The following PRKG2 variants were observed in gnomAD, a reference collection of about 807,000 sequenced individuals.
PRKG2 encodes protein kinase cGMP-dependent 2, also known as cGMP-dependent protein kinase 2.
Under a neutral mutation model 97.2 loss-of-function variants are expected in PRKG2, and 33 were observed. That is an observed-to-expected ratio of 0.34 (90% CI 0.26 to 0.45). PRKG2 has a LOEUF of 0.45. Ranked by LOEUF, PRKG2 falls within the 20% of genes least tolerant of loss-of-function variation. The pLI is 1.00. For missense variants in PRKG2, 638 were observed against 900.0 expected, an observed-to-expected ratio of 0.71 and a Z score of 3.73; for synonymous variants, 330 against 321.8, an observed-to-expected ratio of 1.03 and a Z score of -0.27.
intron 13 of PRKG2, among the ~76,000 whole-genome samples, chr4:81,137,101 A>T (rs1489739027): frequency 6.6e-6 from 1 of 151,868 alleles, no homozygotes; most frequent in Non-Finnish European, 1.5e-5. Context: ...TGGAATCAGA[A>T]ACACCTGGGT....
At chr4:81,155,028 A>T (rs1367667896) in intron 6 of PRKG2, among the ~76,000 whole-genome samples, 2 of 151,540 alleles carry the variant, frequency 1.3e-5, no homozygotes, top group Non-Finnish European at 2.9e-5. Flanking sequence ...CAAAAAAAAA[A>T]TTAGCCGGGC....
intron 2 of PRKG2, among the ~76,000 whole-genome samples, chr4:81,189,994 C>T (rs1752337611): frequency 6.6e-6 from 1 of 152,086 alleles, no homozygotes. Flanking sequence ...TGAAAATGGC[C>T]ATACTGCCCA....
chr4:81,171,448 G>A lies in PRKG2; in HGVS notation c.742+243C>T, dbSNP rs141519068. On this transcript the variant is annotated intron_variant, in intron 4 of 18. Transcript: ENST00000264399. ...TTTGGATTGATTCCATGTCTTTACC[G>A]TTGTGAATAGTTAAAAGCCATTTTA... 2.0e-3 allele frequency among the ~76,000 whole-genome samples: 306 copies of A among 152,042 alleles called. 1 individual carries two copies. Among genetic ancestry groups the A allele is most frequent in the African/African-American group, 5.4e-3 (226 of 41,474 alleles).
At chr4:81,134,612 G>A (rs1746491315) in intron 14 of PRKG2, among the ~76,000 whole-genome samples, 1 of 152,074 alleles carries the variant, frequency 6.6e-6, no homozygotes, top group African/African-American at 2.4e-5. Context: ...TCATATTAGG[G>A]ACCAGCAGAT....
intron 14 of PRKG2, among the ~76,000 whole-genome samples, chr4:81,131,530 C>T (rs928800920): frequency 2.0e-5 from 3 of 152,024 alleles, no homozygotes; most frequent in East Asian, 1.9e-4. Context: ...AGATACAAGC[C>T]TTTTGTAATG....
intron 6 of PRKG2, among the ~76,000 whole-genome samples, chr4:81,162,708 T>G (rs1368376301): frequency 6.6e-6 from 1 of 152,204 alleles, no homozygotes; most frequent in East Asian, 1.9e-4. Context: ...AGTGTGATTT[T>G]GCAGTGGAGA....
chr4:81,215,596 C>T (rs1386507855), upstream of PRKG2, among the ~76,000 whole-genome samples: 1 of 151,960 alleles, frequency 6.6e-6, no homozygotes, highest in African/African-American at 2.4e-5. Context: ...CTCCACTTCG[C>T]CTTCCCTCCC....
chr4:81,190,385 C>T (rs780914619), intron 2 of PRKG2, among the ~76,000 whole-genome samples: 1 of 152,074 alleles, frequency 6.6e-6, no homozygotes, highest in African/African-American at 2.4e-5. Context: ...AACTGGCTAG[C>T]CATATGCAGA....
intron 17 of PRKG2, among the ~76,000 whole-genome samples, chr4:81,100,160 T>C (rs1449977836): frequency 2.0e-5 from 3 of 151,678 alleles, no homozygotes; most frequent in East Asian, 1.9e-4. Context: ...ATAGATTCAA[T>C]GCCATCTCCA....
rs1180392467 is a variant in PRKG2, at chr4:81,164,290, CAG to C, written c.912+2869_912+2870del. ...AATTCATTGACAGCTGGTAGAGTGA[CAG>C]AGGCAGAACCACAAGCCCTAATCTC... On this transcript the variant is annotated intron_variant, in intron 6 of 18. Transcript: ENST00000264399. Among the ~76,000 whole-genome samples, 4 of 152,230 alleles carry C rather than the reference CAG, an allele frequency of 2.6e-5. No individual in the cohort carries two copies. In the East Asian group the frequency reaches 5.8e-4, roughly 22 times the overall value.
chr4:81,171,610 T>TC lies in PRKG2; in HGVS notation c.742+80dup, dbSNP rs1442942774. 5 of 1,024,276 alleles carry TC rather than the reference T, an allele frequency of 4.9e-6. No homozygotes were observed. The East Asian group carries it at 1.3e-4, about 26-fold the overall frequency. The allele number at this position is 1,024,276 out of a possible 1,614,324, so 63.4% of individuals were successfully genotyped here. The stretch of plus-strand genomic sequence containing the variant: ...GGTAAAATGGGAAACAGACTGTGGA[T>TC]CAGGGTGCAAATGTGACTGGACTAG... On this transcript the variant is annotated intron_variant, in intron 4 of 18. Coordinates refer to ENST00000264399, the MANE Select transcript of PRKG2 (RefSeq NM_006259.3).
At chr4:81,173,200 T>G (rs913725599) in intron 3 of PRKG2, among the ~76,000 whole-genome samples, 2 of 152,182 alleles carry the variant, frequency 1.3e-5, no homozygotes, top group Non-Finnish European at 2.9e-5. Context: ...ATTATCAAAT[T>G]AATTTGCTCA....
rs541498493 is a variant in PRKG2, at chr4:81,119,297, A to G, written c.1777-8686T>C. Among the ~76,000 whole-genome samples, 4 of 152,312 alleles carry G rather than the reference A, an allele frequency of 2.6e-5. No individual in the cohort carries two copies. In the South Asian group the frequency reaches 8.3e-4, roughly 32 times the overall value. ...TTGAGTTAATTTTCATGAAGGGTAC[A>G]TGGTCTGTATCTAGATTTACTTTTT... On this transcript the variant is annotated intron_variant, in intron 14 of 18. Transcript: ENST00000264399.
At chr4:81,155,016 T>C (rs1364833490) in intron 6 of PRKG2, among the ~76,000 whole-genome samples, 2 of 149,654 alleles carry the variant, frequency 1.3e-5, no homozygotes, top group African/African-American at 5.0e-5. Context: ...CTACTAAAAA[T>C]ACAAAAAAAA....
chr4:81,118,548 T>C (rs1057233484), intron 14 of PRKG2, among the ~76,000 whole-genome samples: 1 of 152,208 alleles, frequency 6.6e-6, no homozygotes, highest in South Asian at 2.1e-4. Context: ...GAAAGACTCA[T>C]GATTTTGAAC....
intron 14 of PRKG2, among the ~76,000 whole-genome samples, chr4:81,113,766 T>C (rs1372164140): frequency 6.6e-6 from 1 of 152,168 alleles, no homozygotes; most frequent in East Asian, 1.9e-4. Flanking sequence ...AAAATATTTA[T>C]GTGGCATTTT....
At chr4:81,147,153 A>C (rs953944036) in intron 9 of PRKG2, among the ~76,000 whole-genome samples, 1 of 152,198 alleles carries the variant, frequency 6.6e-6, no homozygotes, top group African/African-American at 2.4e-5. Flanking sequence ...AAGCCATATA[A>C]AATTATTGCA....
chr4:81,163,875 C>T (rs543533081), intron 6 of PRKG2, among the ~76,000 whole-genome samples: 1 of 144,880 alleles, frequency 6.9e-6, no homozygotes, highest in East Asian at 1.9e-4. Flanking sequence ...CACACACACA[C>T]ACACACACAC....
At chr4:81,164,123 TG>T (rs1173200697) in intron 6 of PRKG2, among the ~76,000 whole-genome samples, 1 of 152,164 alleles carries the variant, frequency 6.6e-6, no homozygotes, top group Non-Finnish European at 1.5e-5. Context: ...TACTACAAAA[TG>T]AAAAACAACA....
Sources: allele counts gnomAD v4.1 joint callset (sites outside exome capture counted in the v4.1 genomes callset), GRCh38; gene constraint gnomAD v4.1.1; transcripts MANE v1.5; gene names NCBI Gene and HGNC (gene_info 2026-07-23, HGNC 2026-07-21).